CALN1: variants seen among roughly 807,000 people sequenced by gnomAD.
CALN1 encodes calcium-binding protein 8.
A neutral mutation model predicts 30.6 loss-of-function variants in CALN1; 17 were observed. The ratio of observed to expected loss-of-function variants is 0.56; its 90% CI spans 0.38 to 0.83. CALN1 has a LOEUF of 0.83. CALN1 is among the 40% of genes least tolerant of loss of function. The pLI is 0.00. For synonymous variants in CALN1, 156 were observed against 131.4 expected, an observed-to-expected ratio of 1.19 and a Z score of -1.28; for missense variants, 291 against 354.9, an observed-to-expected ratio of 0.82 and a Z score of 1.45.
At chr7:72,302,391 A>G (rs192285905) in intron 2 of CALN1, among the ~76,000 whole-genome samples, 1 of 152,360 alleles carries the variant, frequency 6.6e-6, no homozygotes, top group East Asian at 1.9e-4. Context: ...ACTGCACATC[A>G]GCATCATCAG....
chr7:72,396,382 C>T (rs893921669), intron 2 of CALN1, among the ~76,000 whole-genome samples: 2 of 147,368 alleles, frequency 1.4e-5, no homozygotes, highest in African/African-American at 5.1e-5. Flanking sequence ...AAGATCATGC[C>T]ACTGCACTCC....
At chr7:72,315,276 C>A (rs143937221) in intron 2 of CALN1, among the ~76,000 whole-genome samples, 158 of 152,180 alleles carry the variant, frequency 1.0e-3, no homozygotes, top group Non-Finnish European at 2.1e-3. Context: ...CACTACAATT[C>A]TTTAAAAAAC....
At chr7:72,201,737 T>TTAAA (rs1229060738) in intron 3 of CALN1, among the ~76,000 whole-genome samples, 2 of 117,880 alleles carry the variant, frequency 1.7e-5, no homozygotes, top group Admixed American at 8.6e-5. Context: ...TGAATCTGAT[T>TTAAA]AAAAAAAAAA....
intron 2 of CALN1, among the ~76,000 whole-genome samples, chr7:72,306,280 T>C (rs1446993482): frequency 6.6e-6 from 1 of 152,174 alleles, no homozygotes; most frequent in Non-Finnish European, 1.5e-5. Flanking sequence ...TAGCTAGATC[T>C]TTTTCTTCCA....
At chr7:71,977,584 T>TG (rs1354039146) in intron 5 of CALN1, among the ~76,000 whole-genome samples, 1 of 152,140 alleles carries the variant, frequency 6.6e-6, no homozygotes, top group Non-Finnish European at 1.5e-5. Context: ...TCATGGGCTA[T>TG]GGACACCTGC....
intron 1 of CALN1, among the ~76,000 whole-genome samples, chr7:72,429,150 TA>T: frequency 6.6e-6 from 1 of 152,270 alleles, no homozygotes; most frequent in Non-Finnish European, 1.5e-5. Context: ...AGACATACCA[TA>T]AACAGGAAAA....
At chr7:72,343,456 G>C (rs1005081008) in intron 2 of CALN1, among the ~76,000 whole-genome samples, 3 of 151,940 alleles carry the variant, frequency 2.0e-5, no homozygotes, top group African/African-American at 7.3e-5. Context: ...ACTGAGGCAG[G>C]AGAATTGCCT....
intron 2 of CALN1, among the ~76,000 whole-genome samples, chr7:72,308,363 G>T (rs1254853030): frequency 1.1e-5 from 1 of 90,174 alleles, no homozygotes; most frequent in African/African-American, 4.9e-5. Flanking sequence ...GATGCTGTCT[G>T]TGGGGGGGGG....
chr7:72,435,276 A>G (rs1000777046), intron 1 of CALN1, among the ~76,000 whole-genome samples: 3 of 151,022 alleles, frequency 2.0e-5, no homozygotes, highest in Admixed American at 1.3e-4. Flanking sequence ...AAGGGAAGGG[A>G]AGGGGAAGGG....
intron 5 of CALN1, among the ~76,000 whole-genome samples, chr7:71,993,909 A>T (rs551265165): frequency 6.6e-6 from 1 of 152,314 alleles, no homozygotes; most frequent in East Asian, 1.9e-4. Context: ...CCTGCAAGAG[A>T]TGAACTGATA....
chr7:72,369,927 T>C (rs576250279), intron 2 of CALN1, among the ~76,000 whole-genome samples: 1 of 152,246 alleles, frequency 6.6e-6, no homozygotes, highest in Admixed American at 6.5e-5. Context: ...CTGCAATTAG[T>C]AGTCATGTTT....
intron 1 of CALN1, among the ~76,000 whole-genome samples, chr7:72,439,520 A>G (rs1314077765): frequency 6.6e-6 from 1 of 152,122 alleles, no homozygotes; most frequent in Non-Finnish European, 1.5e-5. Flanking sequence ...AAGAAAAAAT[A>G]TATTGACTAT....
At chr7:72,225,790 T>C (rs953456161) in intron 3 of CALN1, among the ~76,000 whole-genome samples, 1 of 152,114 alleles carries the variant, frequency 6.6e-6, no homozygotes, top group Admixed American at 6.6e-5. Context: ...TGTGCATATC[T>C]TCTGCAAGGC....
At chr7:71,825,245 C>T (rs1788843415) in intron 5 of CALN1, among the ~76,000 whole-genome samples, 1 of 152,150 alleles carries the variant, frequency 6.6e-6, no homozygotes, top group Non-Finnish European at 1.5e-5. Context: ...CAAATCTCAT[C>T]TTGAATTGTA....
chr7:72,271,793 T>C (rs1797012262), intron 3 of CALN1, among the ~76,000 whole-genome samples: 1 of 151,522 alleles, frequency 6.6e-6, no homozygotes, highest in Admixed American at 6.6e-5. Flanking sequence ...CCAGTCATGG[T>C]GGTTCATGCC....
At chr7:72,371,471 G>C (rs1054329141) in intron 2 of CALN1, among the ~76,000 whole-genome samples, 1 of 152,064 alleles carries the variant, frequency 6.6e-6, no homozygotes, top group Admixed American at 6.6e-5. Flanking sequence ...TTTTATAAAA[G>C]GATTTTCCCC....
intron 4 of CALN1, among the ~76,000 whole-genome samples, chr7:72,035,619 A>G (rs192581686): frequency 1.3e-5 from 2 of 152,084 alleles, no homozygotes; most frequent in Admixed American, 6.5e-5. Context: ...TGTATATTTT[A>G]TATCTATTTT....
At chr7:72,290,670 ACT>A (rs1375834804) in intron 2 of CALN1, among the ~76,000 whole-genome samples, 2 of 151,508 alleles carry the variant, frequency 1.3e-5, no homozygotes, top group East Asian at 1.9e-4. Context: ...TATTCTTTAA[ACT>A]CTTTTTAATT....
intron 2 of CALN1, among the ~76,000 whole-genome samples, chr7:72,291,776 C>G (rs1330535699): frequency 3.9e-5 from 6 of 152,096 alleles, no homozygotes; most frequent in Admixed American, 1.3e-4. Flanking sequence ...CAATGCCCGG[C>G]TAATTTTTGT....
Sources: allele counts gnomAD v4.1 joint callset (sites outside exome capture counted in the v4.1 genomes callset), GRCh38; gene constraint gnomAD v4.1.1; transcripts MANE v1.5; gene names NCBI Gene and HGNC (gene_info 2026-07-23, HGNC 2026-07-21).